The following FUT8 variants were observed in gnomAD, a reference collection of about 807,000 sequenced individuals.
FUT8 encodes the protein fucosyltransferase 8.
FUT8 carries 29 observed loss-of-function variants against 71.3 expected under a neutral mutation model. The observed-to-expected ratio is 0.41, with a 90% CI of 0.30 to 0.55. FUT8 has a LOEUF of 0.55. Ranked by LOEUF, FUT8 falls within the 20% of genes least tolerant of loss-of-function variation. The pLI is 0.34. For missense variants in FUT8, 544 were observed against 702.1 expected, an observed-to-expected ratio of 0.77 and a Z score of 2.55; for synonymous variants, 254 against 239.3, an observed-to-expected ratio of 1.06 and a Z score of -0.57.
intron 2 of FUT8, among the ~76,000 whole-genome samples, chr14:65,536,156 G>C (rs1321872660): frequency 6.6e-6 from 1 of 152,086 alleles, no homozygotes; most frequent in African/African-American, 2.4e-5. Flanking sequence ...TTGCACGTGA[G>C]ATGTGTCTCT....
At chr14:65,510,711 C>T (rs1882280607) in intron 2 of FUT8, among the ~76,000 whole-genome samples, 1 of 152,066 alleles carries the variant, frequency 6.6e-6, no homozygotes, top group Non-Finnish European at 1.5e-5. Context: ...AATTTATTGG[C>T]ATATATTTGC....
rs186379252 is a variant in FUT8 at position 65,689,789 on chromosome 14, G to A, written c.835+20309G>A. Among the ~76,000 whole-genome samples, 163 of 152,280 alleles carry A rather than the reference G, an allele frequency of 1.1e-3. 2 individuals carry two copies. The South Asian group carries it at 0.011, about 10-fold the overall frequency. ...CCTGACCTCGTGATCCGCCCACCTC[G>A]GCCTCCCGAAGTGCTAGGATTACAG... On this transcript the variant is annotated intron_variant, in intron 7 of 10. Coordinates refer to ENST00000673929, the MANE Select transcript of FUT8 (RefSeq NM_001371533.1).
chr14:65,571,834 A>G (rs376833760), intron 3 of FUT8, among the ~76,000 whole-genome samples: 3 of 152,122 alleles, frequency 2.0e-5, no homozygotes, highest in East Asian at 3.9e-4. Context: ...CAGTTGTTCT[A>G]TTTAGAACAC....
chr14:65,369,360 A>G, the FUT8 span, among the ~76,000 whole-genome samples: 1 of 152,164 alleles, frequency 6.6e-6, no homozygotes, highest in Non-Finnish European at 1.5e-5. The surrounding 1 kb of genome is among the most constrained non-coding windows in gnomAD (Gnocchi z 4.6). Flanking sequence ...AAATTTCGAG[A>G]TTGTGTCTCT....
At chr14:65,419,272 C>G (rs2065259353) in intron 1 of FUT8, among the ~76,000 whole-genome samples, 1 of 151,566 alleles carries the variant, frequency 6.6e-6, no homozygotes, top group African/African-American at 2.4e-5. Flanking sequence ...AAAAACAAAA[C>G]AAAACAAAAA....
intron 1 of FUT8, among the ~76,000 whole-genome samples, chr14:65,414,995 G>C (rs1188345587): frequency 6.6e-6 from 1 of 151,910 alleles, no homozygotes. Context: ...GTATGGAATC[G>C]AAAAAAACAA....
At chr14:65,380,838 G>A in the FUT8 span, among the ~76,000 whole-genome samples, 1 of 152,246 alleles carries the variant, frequency 6.6e-6, no homozygotes, top group Non-Finnish European at 1.5e-5. Context: ...GACAGTCAAT[G>A]TCACAAGTTT....
chr14:65,698,893 G>A (rs761806397), intron 7 of FUT8, among the ~76,000 whole-genome samples: 3 of 152,056 alleles, frequency 2.0e-5, no homozygotes, highest in Non-Finnish European at 2.9e-5. Flanking sequence ...CAGACTTATG[G>A]GGGAGACAGA....
intron 9 of FUT8, among the ~76,000 whole-genome samples, chr14:65,730,173 G>A (rs1029980980): frequency 6.6e-6 from 1 of 152,146 alleles, no homozygotes; most frequent in African/African-American, 2.4e-5. Flanking sequence ...CTTCAAGAGG[G>A]TGAAGAGATG....
At chr14:65,686,275 T>G (rs988062758) in intron 7 of FUT8, among the ~76,000 whole-genome samples, 14 of 152,350 alleles carry the variant, frequency 9.2e-5, no homozygotes, top group Middle Eastern at 3.4e-3. Flanking sequence ...CTCTGGTGCC[T>G]GGAATTGTTC....
intron 2 of FUT8, among the ~76,000 whole-genome samples, chr14:65,494,361 T>A (rs1372848849): frequency 6.6e-6 from 1 of 152,202 alleles, no homozygotes. Context: ...TTCATATGGC[T>A]ACATTTGGCT....
rs746227858 is a variant in FUT8, at chr14:65,483,177, G to A, written c.-228+27459G>A. ...TAGACTTCCAGTAAGTTCTGCTGGT[G>A]CAGCACTACAGCAACTTCCGTGCTA... On this transcript the variant is annotated intron_variant, in intron 2 of 10. Transcript: ENST00000673929. This position sits in a 1 kb window ranked among gnomAD's most constrained non-coding sequence, Gnocchi z 4.4. Among the ~76,000 whole-genome samples, 1 of 152,216 alleles carries A rather than the reference G, an allele frequency of 6.6e-6. No individual in the cohort carries two copies. The highest frequency in any genetic ancestry group is 1.5e-5 in the Non-Finnish European group (1 of 68,042).
chr14:65,684,385 A>C (rs1054252677), intron 7 of FUT8, among the ~76,000 whole-genome samples: 3 of 152,192 alleles, frequency 2.0e-5, no homozygotes, highest in African/African-American at 7.2e-5. Context: ...TGCTAAGATG[A>C]CGAAAAGGGA....
chr14:65,558,404 T>A (rs1304292070), intron 2 of FUT8, among the ~76,000 whole-genome samples: 1 of 152,072 alleles, frequency 6.6e-6, no homozygotes, highest in African/African-American at 2.4e-5. Flanking sequence ...TTATAAGATA[T>A]ATGTTGACAA....
In FUT8 at chr14:65,669,775, A is replaced by C. The variant is rs1306972288; in HGVS notation, c.835+295A>C. On this transcript the variant is annotated intron_variant, in intron 7 of 10. Coordinates refer to ENST00000673929, the MANE Select transcript of FUT8 (RefSeq NM_001371533.1). The surrounding 1 kb of genome is among the most constrained non-coding windows in gnomAD (Gnocchi z 4.5). ...GATATGACTTTCACTCTATAAGATG[A>C]TTTCACATTATTGAACTCATTTTAA... Among the ~76,000 whole-genome samples the C allele has an allele frequency of 6.6e-6, 1 of 152,180 alleles. No individual in the cohort carries two copies. Among genetic ancestry groups the C allele is most frequent in the African/African-American group, 2.4e-5 (1 of 41,456 alleles).
chr14:65,358,735 G>A, the FUT8 span, among the ~76,000 whole-genome samples: 1 of 152,276 alleles, frequency 6.6e-6, no homozygotes, highest in Non-Finnish European at 1.5e-5. Flanking sequence ...ATAGGTGTGA[G>A]CTACCATGCC....
chr14:65,684,091 G>C (rs953894609), intron 7 of FUT8, among the ~76,000 whole-genome samples: 17 of 151,452 alleles, frequency 1.1e-4, no homozygotes, highest in African/African-American at 3.9e-4. Flanking sequence ...CAGATATTTT[G>C]GTTGGCATTG....
intron 3 of FUT8, among the ~76,000 whole-genome samples, chr14:65,589,522 C>T (rs1194290912): frequency 1.4e-5 from 2 of 144,846 alleles, no homozygotes; most frequent in Admixed American, 1.5e-4. Context: ...CAGCTAACTG[C>T]AAGCTCTGCC....
At chr14:65,692,517 C>G (rs1893711544) in intron 7 of FUT8, among the ~76,000 whole-genome samples, 1 of 131,566 alleles carries the variant, frequency 7.6e-6, no homozygotes, top group African/African-American at 2.9e-5. Context: ...GACCCCCCCC[C>G]CACCTCCCTC....
Sources: allele counts gnomAD v4.1 joint callset (sites outside exome capture counted in the v4.1 genomes callset), GRCh38; gene constraint gnomAD v4.1.1; non-coding constraint Gnocchi (gnomAD v3.1); transcripts MANE v1.5; gene names NCBI Gene and HGNC (gene_info 2026-07-23, HGNC 2026-07-21).